The following EXOC4 variants were observed in gnomAD, a reference collection of about 807,000 sequenced individuals.
The protein encoded by EXOC4 is exocyst complex component 4.
EXOC4 carries 71 observed loss-of-function variants against 107.2 expected under a neutral mutation model. That is an observed-to-expected ratio of 0.66 (90% CI 0.55 to 0.81). EXOC4 has a LOEUF of 0.81. Ranked by LOEUF, EXOC4 falls within the 30% of genes least tolerant of loss-of-function variation. EXOC4 has a pLI of 0.00. For missense variants in EXOC4, 1,108 were observed against 1,189.6 expected (o/e 0.93, Z 1.01); for synonymous variants, 456 against 441.2 (o/e 1.03, Z -0.42).
intron 9 of EXOC4, among the ~76,000 whole-genome samples, chr7:133,581,709 G>A (rs566187460): frequency 7.3e-4 from 107 of 146,152 alleles, no homozygotes; most frequent in African/African-American, 2.4e-3. Flanking sequence ...AGTGAGCCGG[G>A]ATAGCGCCAC....
chr7:133,441,481 C>T (rs1432353510), intron 7 of EXOC4, among the ~76,000 whole-genome samples: 1 of 152,146 alleles, frequency 6.6e-6, no homozygotes, highest in Non-Finnish European at 1.5e-5. Context: ...GTCTCTGTCT[C>T]CCAGGTTCAA....
chr7:133,324,778 TC>T (rs1396448358), intron 5 of EXOC4, among the ~76,000 whole-genome samples: 3 of 152,166 alleles, frequency 2.0e-5, no homozygotes, highest in Non-Finnish European at 2.9e-5. Context: ...TAACTTTCTG[TC>T]TTGTTGATCT....
At chr7:133,665,958 AC>A (rs1041479835) in intron 10 of EXOC4, among the ~76,000 whole-genome samples, 1 of 152,202 alleles carries the variant, frequency 6.6e-6, no homozygotes, top group Non-Finnish European at 1.5e-5. Flanking sequence ...CTAAATTTAT[AC>A]ATTCTAGGAA....
chr7:133,569,653 TAAGACACACACAC>T (rs990641683), intron 9 of EXOC4, among the ~76,000 whole-genome samples: 5 of 152,212 alleles, frequency 3.3e-5, no homozygotes, highest in African/African-American at 1.2e-4. Flanking sequence ...TATGTGTGTG[TAAGACACACACAC>T]ATAATGGTGG....
intron 10 of EXOC4, among the ~76,000 whole-genome samples, chr7:133,637,554 T>A (rs1802742507): frequency 6.6e-6 from 1 of 151,996 alleles, no homozygotes; most frequent in Admixed American, 6.6e-5. Flanking sequence ...AGATCACATA[T>A]TATTCATGCA....
rs535478621 is a variant in EXOC4, at chr7:133,505,699, G to T, written c.1417+25561G>T. 7.9e-5 allele frequency among the ~76,000 whole-genome samples: 12 copies of T among 152,100 alleles called. No individual in the cohort carries two copies. In the South Asian group the frequency reaches 2.5e-3, roughly 31 times the overall value. On this transcript the variant is annotated intron_variant, in intron 9 of 17. Transcript: ENST00000253861. ...ATTTTAGATCACATTAAGGTTTTCA[G>T]ATTTTTCTCTAATTGCTTGATAATG... is the stretch of plus-strand genomic sequence containing the variant.
intron 10 of EXOC4, among the ~76,000 whole-genome samples, chr7:133,798,755 T>A (rs1267306162): frequency 6.6e-6 from 1 of 152,130 alleles, no homozygotes; most frequent in Non-Finnish European, 1.5e-5. Flanking sequence ...GTTCTTAATA[T>A]GAGTGGCACA....
chr7:133,436,319 C>G (rs1316000395), intron 7 of EXOC4, among the ~76,000 whole-genome samples: 1 of 152,098 alleles, frequency 6.6e-6, no homozygotes, highest in African/African-American at 2.4e-5. Context: ...TGACTGTCCT[C>G]TTTAGGCCAG....
At chr7:133,483,902 A>G (rs1315402941) in intron 9 of EXOC4, 1 of 853,446 alleles carries the variant, frequency 1.2e-6, no homozygotes, top group Non-Finnish European at 2.0e-6. Flanking sequence ...CTTGTCCCTG[A>G]AAAGGCATAA....
intron 11 of EXOC4, among the ~76,000 whole-genome samples, chr7:133,856,872 A>T (rs62470396): frequency 6.6e-6 from 1 of 150,756 alleles, no homozygotes; most frequent in Admixed American, 6.6e-5. Flanking sequence ...AGGCCAAGGC[A>T]GGCGGATCAC....
intron 5 of EXOC4, among the ~76,000 whole-genome samples, chr7:133,334,648 A>T (rs748842015): frequency 6.6e-6 from 1 of 152,052 alleles, no homozygotes; most frequent in Non-Finnish European, 1.5e-5. Flanking sequence ...AGATTATTTC[A>T]TCACTCAGGT....
At chr7:133,546,194 T>A (rs1186815800) in intron 9 of EXOC4, among the ~76,000 whole-genome samples, 1 of 152,110 alleles carries the variant, frequency 6.6e-6, no homozygotes, top group African/African-American at 2.4e-5. Flanking sequence ...TAAGATCAGA[T>A]TTATTGATAT....
At chr7:133,753,389 G>A (rs1171809541) in intron 10 of EXOC4, among the ~76,000 whole-genome samples, 14 of 152,142 alleles carry the variant, frequency 9.2e-5, no homozygotes, top group Non-Finnish European at 5.9e-5. Flanking sequence ...ACAGACACTT[G>A]ATAAAATGTT....
intron 9 of EXOC4, among the ~76,000 whole-genome samples, chr7:133,514,457 C>G (rs578128876): frequency 1.3e-5 from 2 of 152,070 alleles, no homozygotes; most frequent in Non-Finnish European, 2.9e-5. Flanking sequence ...CCACTGTGCA[C>G]GGCCTGGAAC....
chr7:134,010,567 T>C (rs1324242480), intron 17 of EXOC4, among the ~76,000 whole-genome samples: 5 of 152,174 alleles, frequency 3.3e-5, no homozygotes, highest in Non-Finnish European at 7.4e-5. Context: ...TGAAGCTATG[T>C]AAAATACATA....
intron 17 of EXOC4, among the ~76,000 whole-genome samples, chr7:134,047,140 A>G (rs1018420774): frequency 2.6e-5 from 4 of 152,166 alleles, no homozygotes; most frequent in Non-Finnish European, 5.9e-5. Flanking sequence ...GCCTTTGAAA[A>G]ACTTTAGTTT....
At chr7:133,373,440 G>C (rs1796420742) in intron 6 of EXOC4, among the ~76,000 whole-genome samples, 2 of 152,046 alleles carry the variant, frequency 1.3e-5, no homozygotes, top group Non-Finnish European at 2.9e-5. Context: ...AAATTCTATT[G>C]ATTTTGTCTC....
At chr7:133,426,636 A>G (rs1047708695) in intron 7 of EXOC4, among the ~76,000 whole-genome samples, 1 of 152,254 alleles carries the variant, frequency 6.6e-6, no homozygotes, top group Non-Finnish European at 1.5e-5. Flanking sequence ...ATGTCTTGCT[A>G]TCTTTGCTTT....
intron 7 of EXOC4, among the ~76,000 whole-genome samples, chr7:133,387,998 T>G (rs1362227403): frequency 7.1e-6 from 1 of 140,170 alleles, no homozygotes. Flanking sequence ...TCTTAGAACA[T>G]GTTACCAAAA....
Sources: gnomAD v4.1 joint callset for allele counts (sites outside exome capture counted in the v4.1 genomes callset) on GRCh38, gnomAD v4.1.1 for gene constraint, MANE v1.5 for transcripts, NCBI Gene and HGNC (gene_info 2026-07-23, HGNC 2026-07-21) for gene names.